TMEM63A: variants seen among roughly 807,000 people sequenced by gnomAD.
The protein encoded by TMEM63A is mechanosensitive cation channel TMEM63A.
TMEM63A carries 76 observed loss-of-function variants against 100.6 expected under a neutral mutation model. The ratio of observed to expected loss-of-function variants is 0.76; its 90% CI spans 0.63 to 0.91. The LOEUF (loss-of-function observed/expected upper bound fraction) is 0.91. TMEM63A is among the 40% of genes least tolerant of loss of function. TMEM63A has a pLI of 0.00. For missense variants in TMEM63A, 876 were observed against 1,008.8 expected, an observed-to-expected ratio of 0.87 and a Z score of 1.78; for synonymous variants, 401 against 401.1, an observed-to-expected ratio of 1.00 and a Z score of 0.00.
intron 14 of TMEM63A, 63 bp from the exon 15 acceptor site, chr1:225,859,412 G>A: frequency 1.8e-5 from 29 of 1,592,092 alleles, no homozygotes; most frequent in Non-Finnish European, 2.3e-5. Flanking sequence ...GCTTAGGTGG[G>A]TCAGAAGGTC....
At chr1:225,863,154 A>G (rs1559043560) in intron 10 of TMEM63A, 3 of 345,904 alleles carry the variant, frequency 8.7e-6, no homozygotes, top group Admixed American at 8.0e-5. Flanking sequence ...TCTGGGCTCA[A>G]TCAATCCTCC....
downstream of TMEM63A, chr1:225,845,424 C>T: frequency 8.2e-6 from 12 of 1,465,416 alleles, no homozygotes; most frequent in Non-Finnish European, 1.0e-5. Context: ...TACCCCTTTT[C>T]TGAGGAATGA....
intron 15 of TMEM63A, among the ~76,000 whole-genome samples, chr1:225,858,013 T>C (rs768080093): frequency 2.6e-5 from 4 of 152,204 alleles, no homozygotes; most frequent in Non-Finnish European, 4.4e-5. Flanking sequence ...ACGCCCTGTA[T>C]AATAGTGCAG....
At position 225,872,069 on chromosome 1, in the gene TMEM63A, G is replaced by GA. The variant is rs781701619; in HGVS notation, c.267-17dup. 36 of 1,421,460 alleles carry GA rather than the reference G, an allele frequency of 2.5e-5. No homozygotes were observed. The highest frequency in any genetic ancestry group is 7.5e-5 in the East Asian group (3 of 39,964). 88.1% of individuals were successfully genotyped at this position (1,421,460 alleles called of 1,614,324 possible). ...TCTGGACTCGCTAGAGACACAAAAAGAAAAAAAATGACAGATAATTCTTAG... is the reference window on the plus strand; with the variant it reads ...TCTGGACTCGCTAGAGACACAAAAAGAAAAAAAAATGACAGATAATTCTTAG... On this transcript the variant is annotated splice_polypyrimidine_tract_variant and intron_variant, in intron 4 of 24. Coordinates refer to ENST00000366835, the MANE Select transcript of TMEM63A (RefSeq NM_014698.3).
intron 18 of TMEM63A, among the ~76,000 whole-genome samples, chr1:225,855,345 G>C (rs550660742): frequency 6.6e-6 from 1 of 152,248 alleles, no homozygotes; most frequent in African/African-American, 2.4e-5. Context: ...TCATTGTAAA[G>C]ATACAGTGAG....
intron 2 of TMEM63A, among the ~76,000 whole-genome samples, chr1:225,878,477 T>C (rs1670923096): frequency 6.6e-6 from 1 of 152,138 alleles, no homozygotes; most frequent in African/African-American, 2.4e-5. Flanking sequence ...AAGCAAACAC[T>C]GCTCCAGGCT....
chr1:225,882,052 C>G (rs1406109306), intron 1 of TMEM63A, among the ~76,000 whole-genome samples: 1 of 152,208 alleles, frequency 6.6e-6, no homozygotes, highest in Non-Finnish European at 1.5e-5. Context: ...AGATACCAGC[C>G]CTGAAAGCGA....
chr1:225,862,080 G>T lies in TMEM63A; in HGVS notation c.1085+138C>A. On this transcript the variant is annotated intron_variant, in intron 13 of 24. Coordinates refer to ENST00000366835, the MANE Select transcript of TMEM63A (RefSeq NM_014698.3). This position sits in a 1 kb window ranked among gnomAD's most constrained non-coding sequence, Gnocchi z 5.1. The stretch of plus-strand genomic sequence containing the variant: ...GCTGAAAGTGAGTGTGGGTAGCTGA[G>T]GGAGGAGAAGGAAACACCACAGATA... 1 of 1,313,388 alleles carries T rather than the reference G, an allele frequency of 7.6e-7. No homozygotes were observed. The highest frequency in any genetic ancestry group is 1.0e-6 in the Non-Finnish European group (1 of 966,566). 81.4% of individuals were successfully genotyped at this position (1,313,388 alleles called of 1,614,324 possible).
At position 225,847,126 on chromosome 1, in the gene TMEM63A, T is replaced by C; in HGVS notation, c.2338A>G (p.Ile780Val). The change falls in exon 24 of 25, where the codon ATC becomes GTC. Residue 780 changes from isoleucine to valine, a missense_variant. Physicochemically the swap from Ile to Val is conservative, Grantham distance 29. Around this residue, in one of 5 missense-constraint regions of TMEM63A, gnomAD observed 339 missense variants for 342.3 expected, o/e 0.99. Coordinates refer to ENST00000366835, the MANE Select transcript of TMEM63A (RefSeq NM_014698.3). ...GGGATAGTCCCGCTGATGTTGTGGATGGCACCATAGGTCTGCTGCTGCTGC... is the reference window on the plus strand; with the variant it reads ...GGGATAGTCCCGCTGATGTTGTGGACGGCACCATAGGTCTGCTGCTGCTGC... ...QQQQQQTYGAIHNISGTIPGQ... is the reference protein window; with the variant it reads ...QQQQQQTYGAVHNISGTIPGQ... 1 of 1,613,680 alleles carries C rather than the reference T, an allele frequency of 6.2e-7. No homozygotes were observed. Among genetic ancestry groups the C allele is most frequent in the East Asian group, 2.2e-5 (1 of 44,878 alleles).
Position 225,856,937 on chromosome 1 carries a change from A to T in TMEM63A, c.1458T>A (p.Ser486=). Residue 486 remains serine (S), a synonymous_variant, in exon 16 of 25, where the codon TCT becomes TCA. Transcript: ENST00000366835. ...SALLPSIVYY[S]TLLESHWTKS... Reference sequence around the variant, plus strand: ...TGGTCCAGTGAGACTCCAGCAGTGTAGAGTAGTAGACAATGGAGGGGAGCA... The same window carrying T: ...TGGTCCAGTGAGACTCCAGCAGTGTTGAGTAGTAGACAATGGAGGGGAGCA... 1 of 1,608,974 alleles carries T rather than the reference A, an allele frequency of 6.2e-7. No individual in the cohort carries two copies. Among genetic ancestry groups the T allele is most frequent in the South Asian group, 1.1e-5 (1 of 90,202 alleles).
intron 14 of TMEM63A, 132 bp from the exon 15 acceptor site, chr1:225,859,481 T>C (rs1475789725): frequency 2.8e-6 from 3 of 1,089,622 alleles, no homozygotes; most frequent in East Asian, 2.6e-5. Context: ...GACCTTCAAC[T>C]ACAGAAAGAC....
At position 225,865,820 on chromosome 1, in the gene TMEM63A, G is replaced by A; in HGVS notation, c.746+77C>T. ...CGAGAGACAGAAGGCGCTCACCTAAGGTGCTCGCCCTGCGGGTGGGGCTGT... is the reference window on the plus strand; with the variant it reads ...CGAGAGACAGAAGGCGCTCACCTAAAGTGCTCGCCCTGCGGGTGGGGCTGT... On this transcript the variant is annotated intron_variant, in intron 10 of 24. Transcript: ENST00000366835. This position sits in a 1 kb window ranked among gnomAD's most constrained non-coding sequence, Gnocchi z 4.6. 1.1e-5 allele frequency: 16 copies of A among 1,491,474 alleles called. No homozygotes were observed. Among genetic ancestry groups the A allele is most frequent in the Non-Finnish European group, 1.3e-5 (14 of 1,080,852 alleles). 92.4% of individuals were successfully genotyped at this position (1,491,474 alleles called of 1,614,324 possible).
Position 225,853,773 on chromosome 1 carries a change from G to T in TMEM63A, c.1653C>A (p.Asp551Glu). 2 of 1,606,898 alleles carry T rather than the reference G, an allele frequency of 1.2e-6. No homozygotes were observed. The highest frequency in any genetic ancestry group is 1.7e-6 in the Non-Finnish European group (2 of 1,176,422). ...SIRLECVFLP[D>E]QGAFFVNYVI... ...CATAGTTCACAAAGAAGGCACCCTGGTCAGGCAGGAAGACGCACCTGGGGA... is the reference window on the plus strand; with the variant it reads ...CATAGTTCACAAAGAAGGCACCCTGTTCAGGCAGGAAGACGCACCTGGGGA... The change falls in exon 19 of 25, where the codon GAC becomes GAA. Residue 551 changes from aspartate to glutamate, a missense_variant. Asp to Glu is a conservative substitution (Grantham distance 45). Transcript: ENST00000366835. The surrounding 1 kb of genome is among the most constrained non-coding windows in gnomAD (Gnocchi z 4.0).
intron 15 of TMEM63A, among the ~76,000 whole-genome samples, chr1:225,857,821 C>T (rs2102612246): frequency 6.6e-6 from 1 of 152,268 alleles, no homozygotes; most frequent in South Asian, 2.1e-4. Context: ...GCAGATCCAT[C>T]TTCAAAAGAA....
At chr1:225,844,443 T>C (rs1186112959), downstream of TMEM63A, 1 of 1,613,430 alleles carries the variant, frequency 6.2e-7, no homozygotes, top group Non-Finnish European at 8.5e-7. Flanking sequence ...GGCTGCCCTT[T>C]GTCACACAAC....
chr1:225,841,501 C>G (rs543971795), downstream of TMEM63A, among the ~76,000 whole-genome samples: 1 of 151,552 alleles, frequency 6.6e-6, no homozygotes, highest in Admixed American at 6.6e-5. Flanking sequence ...CCAGGCTGGT[C>G]TCGAACTCCT....
chr1:225,862,916 C>T lies in TMEM63A; in HGVS notation c.747-65G>A, dbSNP rs369782705. On this transcript the variant is annotated intron_variant, in intron 10 of 24. Coordinates refer to ENST00000366835, the MANE Select transcript of TMEM63A (RefSeq NM_014698.3). The surrounding 1 kb of genome is among the most constrained non-coding windows in gnomAD (Gnocchi z 5.1). The stretch of plus-strand genomic sequence containing the variant: ...AAAAGAAAACACCCCAAGCAGGAGA[C>T]GTGCCCACGGATCCAAGGGAAAGGA... 6.2e-6 allele frequency: 9 copies of T among 1,455,588 alleles called. No homozygotes were observed. The highest frequency in any genetic ancestry group is 4.2e-5 in the African/African-American group (3 of 71,642). The allele number at this position is 1,455,588 out of a possible 1,614,324, so 90.2% of individuals were successfully genotyped here. A position where few individuals can be genotyped will look rare whatever the true frequency, so the allele number is the denominator to read the frequency against.
Position 225,862,638 on chromosome 1 carries a change from C to T in TMEM63A, c.828-60G>A. On this transcript the variant is annotated intron_variant, in intron 11 of 24. Transcript: ENST00000366835. The surrounding 1 kb of genome is among the most constrained non-coding windows in gnomAD (Gnocchi z 5.1). ...TTTAGAATCCTGTGGCAGGGACCCC[C>T]ATACCCACAGTTCAACCATCGAACG... 1.2e-6 allele frequency: 2 copies of T among 1,602,488 alleles called. No homozygotes were observed. The highest frequency in any genetic ancestry group is 2.2e-5 in the South Asian group (2 of 90,018).
intron 9 of TMEM63A, 183 bp downstream of exon 9, chr1:225,866,391 C>G: frequency 1.7e-6 from 1 of 587,736 alleles, no homozygotes; most frequent in African/African-American, 1.9e-5. Context: ...TGAAACAATC[C>G]ACCAGGAAAC....
Sources: allele counts gnomAD v4.1 joint callset (sites outside exome capture counted in the v4.1 genomes callset), GRCh38; gene constraint gnomAD v4.1.1; regional missense constraint gnomAD v4.1.1; non-coding constraint Gnocchi (gnomAD v3.1); transcripts MANE v1.5; gene names NCBI Gene and HGNC (gene_info 2026-07-23, HGNC 2026-07-21).